Variants in AKR1B1 observed in about 807,000 individuals in gnomAD.
The protein encoded by AKR1B1 is aldo-keto reductase family 1 member B, also known as aldo-keto reductase family 1 member B1.
A neutral mutation model predicts 40.4 loss-of-function variants in AKR1B1; 22 were observed. The ratio of observed to expected loss-of-function variants is 0.54; its 90% CI spans 0.39 to 0.78. The LOEUF (loss-of-function observed/expected upper bound fraction) is 0.78, where lower values mean the gene tolerates loss of function less well. Among genes scored for constraint, AKR1B1 ranks in the 30% least tolerant of loss-of-function variants. The probability of loss-of-function intolerance (pLI) is 0.00; values close to 1 mark genes in which losing one functional copy is unlikely to be tolerated. For synonymous variants in AKR1B1, 157 were observed against 149.9 expected (o/e 1.05, Z -0.35); for missense variants, 357 against 396.7 (o/e 0.90, Z 0.85).
intron 6 of AKR1B1, 28 bp downstream of exon 6, chr7:134,448,359 C>A (rs6963238): frequency 3.2e-6 from 5 of 1,555,166 alleles, no homozygotes; most frequent in East Asian, 4.5e-5. Context: ...CCAAGTGACA[C>A]AGGAGCATGA....
chr7:134,448,010 G>C lies in AKR1B1; in HGVS notation c.711C>G (p.Ile237Met), dbSNP rs762963189. The change falls in exon 7 of 10, where the codon ATC (isoleucine) becomes ATG (methionine). Residue 237 changes from isoleucine (I) to methionine (M), a missense_variant. Transcript: ENST00000285930. ...SLLEDPRIKA[I>M]AAKHNKTTAQ... ...CTGTAGTTTTATTGTGCTTGGCTGC[G>C]ATCGCCTTGATCCTGGGATCCTCCA... 1 of 1,613,032 alleles carries C rather than the reference G, an allele frequency of 6.2e-7. No individual in the cohort carries two copies. The highest frequency in any genetic ancestry group is 1.3e-5 in the African/African-American group (1 of 74,772).
rs780153666 is a variant in AKR1B1 at position 134,445,223 on chromosome 7, C to T, written c.908+15G>A. The T allele has an allele frequency of 6.2e-7, 1 of 1,607,616 alleles. No homozygotes were observed. The highest frequency in any genetic ancestry group is 1.7e-5 in the Admixed American group (1 of 59,586). Reference sequence around the variant, plus strand: ...TATCTCCTGGGAACTGCTCCTCACACTGGGGCTCACTCACCTCAACAAGGC... The same window carrying T: ...TATCTCCTGGGAACTGCTCCTCACATTGGGGCTCACTCACCTCAACAAGGC... On this transcript the variant is annotated intron_variant, in intron 9 of 9. Coordinates refer to ENST00000285930, the MANE Select transcript of AKR1B1 (RefSeq NM_001628.4).
intron 7 of AKR1B1, chr7:134,447,777 G>A: frequency 1.5e-6 from 1 of 674,206 alleles, no homozygotes; most frequent in East Asian, 2.7e-5. Flanking sequence ...TTGCAGTAGT[G>A]GGGGCAGGCA....
At chr7:134,451,927 G>T (rs1585715405) in intron 1 of AKR1B1, 174 bp from the exon 2 acceptor site, 3 of 696,918 alleles carry the variant, frequency 4.3e-6, no homozygotes, top group East Asian at 2.7e-5. Context: ...GCGGGGGATG[G>T]AAGTGAAAGG....
At chr7:134,455,825 C>T (rs1271830929) in intron 1 of AKR1B1, among the ~76,000 whole-genome samples, 1 of 152,150 alleles carries the variant, frequency 6.6e-6, no homozygotes, top group Non-Finnish European at 1.5e-5. Context: ...TCAGGTGATC[C>T]ACCCGCCTTG....
chr7:134,450,703 C>G lies in AKR1B1; in HGVS notation c.351+83G>C, dbSNP rs916884052. Reference sequence around the variant, plus strand: ...CAGCAAGAACAGAAAGTCACCCACACGTAATCTGCTAAGGGAGCTCAAAAC... The same window carrying G: ...CAGCAAGAACAGAAAGTCACCCACAGGTAATCTGCTAAGGGAGCTCAAAAC... On this transcript the variant is annotated intron_variant, in intron 3 of 9. Transcript: ENST00000285930. 3 of 1,029,856 alleles carry G rather than the reference C, an allele frequency of 2.9e-6. No homozygotes were observed. The African/African-American group carries it at 4.7e-5, about 16-fold the overall frequency. The allele number at this position is 1,029,856 out of a possible 1,614,324, so 63.8% of individuals were successfully genotyped here. A position where few individuals can be genotyped will look rare whatever the true frequency, so the allele number is the denominator to read the frequency against.
Position 134,449,718 on chromosome 7 carries a change from A to G in AKR1B1, c.429+2T>C, listed in dbSNP as rs1218514376. 6.2e-7 allele frequency: 1 copy of G among 1,613,644 alleles called. No individual in the cohort carries two copies. The highest frequency in any genetic ancestry group is 8.5e-7 in the Non-Finnish European group (1 of 1,179,502). ...ACAAGGTCCAACCAGGGGCTGTCTT[A>G]CCGCCCACGTGTCCAGAATGTTGGT... On this transcript the variant is annotated splice_donor_variant, in intron 4 of 9. Coordinates refer to ENST00000285930, the MANE Select transcript of AKR1B1 (RefSeq NM_001628.4). LOFTEE classifies it high-confidence loss of function.
chr7:134,452,034 T>A (rs1806304664), intron 1 of AKR1B1, among the ~76,000 whole-genome samples: 1 of 152,212 alleles, frequency 6.6e-6, no homozygotes, highest in Non-Finnish European at 1.5e-5. Flanking sequence ...TTTTCTTGCT[T>A]CTTCACATCC....
intron 1 of AKR1B1, among the ~76,000 whole-genome samples, chr7:134,452,250 C>T (rs1036972034): frequency 6.6e-6 from 1 of 152,166 alleles, no homozygotes; most frequent in South Asian, 2.1e-4. Context: ...TACCGGCAGT[C>T]GCTTGTTTTC....
intron 3 of AKR1B1, among the ~76,000 whole-genome samples, 196 bp from the exon 4 acceptor site, chr7:134,449,993 C>T (rs2734650): frequency 0.43 from 65,075 of 152,008 alleles, 15,378 homozygotes; most frequent in East Asian, 0.84. Context: ...GACTGTCAGA[C>T]GGAGACATGG....
intron 1 of AKR1B1, among the ~76,000 whole-genome samples, chr7:134,456,625 T>C (rs952726719): frequency 2.6e-5 from 4 of 152,092 alleles, no homozygotes; most frequent in Admixed American, 2.0e-4. Context: ...CCTGATCTCC[T>C]CATCCACAGG....
At position 134,445,216 on chromosome 7, in the gene AKR1B1, CCTCACACTGGGGCTCA is replaced by C; in HGVS notation, c.908+6_908+21del. On this transcript the variant is annotated splice_donor_region_variant and intron_variant, in intron 9 of 9. Transcript: ENST00000285930. ...ATCTGAATATCTCCTGGGAACTGCT[CCTCACACTGGGGCTCA>C]CTCACCTCAACAAGGCACAGACCCT... is the stretch of plus-strand genomic sequence containing the variant. 1 of 1,602,782 alleles carries C rather than the reference CCTCACACTGGGGCTCA, an allele frequency of 6.2e-7. No homozygotes were observed. Among genetic ancestry groups the C allele is most frequent in the South Asian group, 1.1e-5 (1 of 89,274 alleles).
Position 134,443,541 on chromosome 7 carries a change from C to T in AKR1B1, c.909-771G>A, listed in dbSNP as rs200035720. Among the ~76,000 whole-genome samples, 11 of 152,040 alleles carry T rather than the reference C, an allele frequency of 7.2e-5. No individual in the cohort carries two copies. In the East Asian group the frequency reaches 7.7e-4, roughly 11 times the overall value. On this transcript the variant is annotated intron_variant, in intron 9 of 9. Transcript: ENST00000285930. ...TGGGGGCTGAAGTGAGCCCAATCAA[C>T]GGTCGGCGATTTTATATTGGAAACA... is the stretch of plus-strand genomic sequence containing the variant.
At chr7:134,451,131 C>A (rs1806273762) in intron 2 of AKR1B1, among the ~76,000 whole-genome samples, 1 of 152,236 alleles carries the variant, frequency 6.6e-6, no homozygotes, top group Non-Finnish European at 1.5e-5. Flanking sequence ...ATGGAATGGA[C>A]AGATTGGCTA....
chr7:134,442,888 C>T, intron 9 of AKR1B1, 118 bp from the exon 10 acceptor site: 1 of 985,726 alleles, frequency 1.0e-6, no homozygotes. Context: ...TCAGAGGCAA[C>T]AAGCTAGTTC....
chr7:134,457,876 T>TG lies in AKR1B1; in HGVS notation c.66+1120dup, dbSNP rs1215114630. ...TTAGCCAGGTGTGGTGGTGAGCGCC[T>TG]GTAGTCCCAGCTACCCGCAGTGCTG... is the stretch of plus-strand genomic sequence containing the variant. On this transcript the variant is annotated intron_variant, in intron 1 of 9. Coordinates refer to ENST00000285930, the MANE Select transcript of AKR1B1 (RefSeq NM_001628.4). Among the ~76,000 whole-genome samples, 4 of 152,062 alleles carry TG rather than the reference T, an allele frequency of 2.6e-5. No homozygotes were observed. In the East Asian group the frequency reaches 7.7e-4, roughly 29 times the overall value.
upstream of AKR1B1, chr7:134,459,211 T>A (rs911491332): frequency 1.1e-6 from 1 of 946,730 alleles, no homozygotes; most frequent in Non-Finnish European, 1.6e-6. Context: ...GCGCTGGGGG[T>A]GCCGCGGCGG....
chr7:134,445,478 G>A (rs1171988488), intron 8 of AKR1B1, among the ~76,000 whole-genome samples, 158 bp from the exon 9 acceptor site: 5 of 152,220 alleles, frequency 3.3e-5, no homozygotes, highest in Non-Finnish European at 7.3e-5. Context: ...CAGGAAATGT[G>A]CATGTTGGGC....
rs1806137084 is a variant in AKR1B1, at chr7:134,447,398, ACAGT to A, written c.742-21_742-18del. On this transcript the variant is annotated intron_variant, in intron 7 of 9. Coordinates refer to ENST00000285930, the MANE Select transcript of AKR1B1 (RefSeq NM_001628.4). Reference sequence around the variant, plus strand: ...GATCAGGACCTGTGAGCCCAAGGAGACAGTGAGTGTGTATACATGCCAGGCACTC... The same window carrying A: ...GATCAGGACCTGTGAGCCCAAGGAGAGAGTGTGTATACATGCCAGGCACTC... 12 of 1,611,852 alleles carry A rather than the reference ACAGT, an allele frequency of 7.4e-6. No individual in the cohort carries two copies. Among genetic ancestry groups the A allele is most frequent in the Non-Finnish European group, 9.3e-6 (11 of 1,178,172 alleles).
Sources: gnomAD v4.1 joint callset for allele counts (sites outside exome capture counted in the v4.1 genomes callset) on GRCh38, gnomAD v4.1.1 for gene constraint, MANE v1.5 for transcripts, NCBI Gene and HGNC (gene_info 2026-07-23, HGNC 2026-07-21) for gene names.